The following N4BP1 variants were observed in gnomAD, a reference collection of about 807,000 sequenced individuals.
N4BP1 encodes the protein NEDD4-binding protein 1.
A neutral mutation model predicts 70.9 loss-of-function variants in N4BP1; 21 were observed. That is an observed-to-expected ratio of 0.30 (90% confidence interval 0.21 to 0.43). N4BP1 has a LOEUF of 0.43. Ranked by LOEUF, N4BP1 falls within the 20% of genes least tolerant of loss-of-function variation. The pLI, the probability that N4BP1 is intolerant of heterozygous loss-of-function variation, is 1.00. For missense variants in N4BP1, 936 were observed against 1,069.4 expected, an observed-to-expected ratio of 0.88 and a Z score of 1.74; for synonymous variants, 387 against 394.6, an observed-to-expected ratio of 0.98 and a Z score of 0.23.
chr16:48,557,905 C>T (rs981264442), intron 2 of N4BP1, among the ~76,000 whole-genome samples: 13 of 152,124 alleles, frequency 8.5e-5, no homozygotes, highest in Admixed American at 7.9e-4. Context: ...GGAATCTAGT[C>T]AAAGTTTATT....
At chr16:48,565,326 G>A (rs907420604) in intron 1 of N4BP1, among the ~76,000 whole-genome samples, 1 of 152,158 alleles carries the variant, frequency 6.6e-6, no homozygotes, top group African/African-American at 2.4e-5. Context: ...CATTGAGGAA[G>A]TTACCTATTC....
rs185853104 is a variant in N4BP1, at chr16:48,608,219, A to C, written c.198+1556T>G. 2.0e-5 allele frequency among the ~76,000 whole-genome samples: 3 copies of C among 152,286 alleles called. No individual in the cohort carries two copies. The East Asian group carries it at 5.8e-4, about 29-fold the overall frequency. On this transcript the variant is annotated intron_variant, in intron 1 of 6. Coordinates refer to ENST00000262384, the MANE Select transcript of N4BP1 (RefSeq NM_153029.4). ...CGGTTTTCACCGTGTGACACAGGAC[A>C]GTCTCAATCTCCTGATCTCGTGATC...
chr16:48,560,554 T>C, intron 2 of N4BP1, 200 bp downstream of exon 2: 1 of 573,758 alleles, frequency 1.7e-6, no homozygotes, highest in East Asian at 3.1e-5. Flanking sequence ...TTCAGCAGGG[T>C]GAAGTAAAGT....
intron 6 of N4BP1, among the ~76,000 whole-genome samples, chr16:48,545,656 A>C (rs941772956): frequency 6.6e-6 from 1 of 151,990 alleles, no homozygotes; most frequent in African/African-American, 2.4e-5. Context: ...AACTGAAAGG[A>C]CTATAGTTGA....
Position 48,543,055 on chromosome 16 carries a change from G to C in N4BP1, c.2540C>G (p.Ala847Gly). 1 of 1,614,068 alleles carries C rather than the reference G, an allele frequency of 6.2e-7. No homozygotes were observed. Among genetic ancestry groups the C allele is most frequent in the Non-Finnish European group, 8.5e-7 (1 of 1,179,904 alleles). The change falls in exon 7 of 7, where the codon GCT becomes GGT. Residue 847 changes from alanine (A) to glycine (G), a missense_variant. Around this residue, in one of 4 missense-constraint regions of N4BP1, gnomAD observed 229 missense variants for 343.5 expected, o/e 0.67. Transcript: ENST00000262384. ...PSLQQNLPMP[A>G]QRSSAETNEL... is the part of the protein sequence containing the mutation. The stretch of plus-strand genomic sequence containing the variant: ...GTTGGTTTCTGCAGAAGATCTCTGA[G>C]CTGGCATGGGCAGGTTCTGCTGGAG...
At chr16:48,560,679 C>T in intron 2 of N4BP1, 75 bp downstream of exon 2, 2 of 1,486,654 alleles carry the variant, frequency 1.3e-6, no homozygotes, top group Admixed American at 2.2e-5. Context: ...ATGTATAGTT[C>T]CCATATACAT....
chr16:48,589,953 G>A (rs74378178), intron 1 of N4BP1, among the ~76,000 whole-genome samples: 16,847 of 152,060 alleles, frequency 0.11, 1,336 homozygotes, highest in Admixed American at 0.23. Flanking sequence ...GCCCTTTCTC[G>A]GAAAGACCCC....
At chr16:48,605,450 T>G (rs991669465) in intron 1 of N4BP1, among the ~76,000 whole-genome samples, 3 of 152,168 alleles carry the variant, frequency 2.0e-5, no homozygotes, top group Non-Finnish European at 4.4e-5. Context: ...AATCTCTATT[T>G]GCGAATGAGG....
At chr16:48,547,337 TGG>T (rs1963603950) in intron 5 of N4BP1, among the ~76,000 whole-genome samples, 1 of 152,240 alleles carries the variant, frequency 6.6e-6, no homozygotes, top group Admixed American at 6.5e-5. Flanking sequence ...CAGGTGATAC[TGG>T]TTAACCAAAA....
Position 48,551,488 on chromosome 16 carries a change from C to A in N4BP1, c.2021-6G>T. 2 of 1,601,558 alleles carry A rather than the reference C, an allele frequency of 1.2e-6. No homozygotes were observed. The highest frequency in any genetic ancestry group is 1.1e-5 in the South Asian group (1 of 90,164). On this transcript the variant is annotated splice_region_variant and splice_polypyrimidine_tract_variant and intron_variant, in intron 3 of 6. Transcript: ENST00000262384. ...CTGGGTTAAGAAGTGCTGTTCTGTT[C>A]ATGGAATAAGTTGAATATACATTCA...
chr16:48,567,464 C>T lies in N4BP1; in HGVS notation c.199-5020G>A, dbSNP rs142391794. Reference sequence around the variant, plus strand: ...TCCTGAGTAGCTGGGATTACAGGTGCACACCACCACACCTGGTTAATTTTT... The same window carrying T: ...TCCTGAGTAGCTGGGATTACAGGTGTACACCACCACACCTGGTTAATTTTT... On this transcript the variant is annotated intron_variant, in intron 1 of 6. Coordinates refer to ENST00000262384, the MANE Select transcript of N4BP1 (RefSeq NM_153029.4). Among the ~76,000 whole-genome samples, 17 of 152,104 alleles carry T rather than the reference C, an allele frequency of 1.1e-4. No homozygotes were observed. In the East Asian group the frequency reaches 3.3e-3, roughly 30 times the overall value.
intron 6 of N4BP1, 68 bp from the exon 7 acceptor site, chr16:48,543,329 AAGGTACCTGCGGC>A: frequency 7.7e-7 from 1 of 1,305,468 alleles, no homozygotes; most frequent in Non-Finnish European, 1.0e-6. Context: ...GCTATTTTAG[AAGGTACCTGCGGC>A]AGGCCTTGAG....
At chr16:48,573,938 C>T (rs1964057535) in intron 1 of N4BP1, among the ~76,000 whole-genome samples, 1 of 152,128 alleles carries the variant, frequency 6.6e-6, no homozygotes, top group African/African-American at 2.4e-5. Flanking sequence ...TCCTTACCTT[C>T]ACTTTGAATA....
At position 48,561,450 on chromosome 16, in the gene N4BP1, G is replaced by A. The variant is rs1963855226; in HGVS notation, c.1193C>T (p.Ser398Leu). ...NKRFQEDREF[S>L]AGTVYPETNK... ...GGTCTCTGGATACACTGTACCAGCT[G>A]AAAATTCTCTGTCTTCTTGGAATCT... The change falls in exon 2 of 7, where the codon TCA (serine) becomes TTA (leucine). Residue 398 changes from serine (S) to leucine (L), a missense_variant. Coordinates refer to ENST00000262384, the MANE Select transcript of N4BP1 (RefSeq NM_153029.4). The A allele has an allele frequency of 6.2e-7, 1 of 1,612,042 alleles. No homozygotes were observed. Among genetic ancestry groups the A allele is most frequent in the South Asian group, 1.1e-5 (1 of 90,534 alleles).
intron 2 of N4BP1, among the ~76,000 whole-genome samples, chr16:48,557,750 T>A (rs1963777151): frequency 6.6e-6 from 1 of 152,150 alleles, no homozygotes; most frequent in African/African-American, 2.4e-5. Context: ...GGCAAAATAG[T>A]GAGACTTTAC....
rs1324164950 is a variant in N4BP1, at chr16:48,560,936, C to T, written c.1707G>A (p.Gln569=). ...TTGCATCAGTAACCGAAGGTAACAG[C>T]TGGGGCAGTGGCATTGGTGGAGAAA... is the stretch of plus-strand genomic sequence containing the variant. The part of the protein sequence containing the change: ...STLSPPMPLP[Q]LLPSVTDARS... The change falls in exon 2 of 7, where the codon CAG becomes CAA. Residue 569 remains glutamine (Q), a synonymous_variant. Transcript: ENST00000262384. 6.2e-7 allele frequency: 1 copy of T among 1,613,836 alleles called. No homozygotes were observed. Among genetic ancestry groups the T allele is most frequent in the Non-Finnish European group, 8.5e-7 (1 of 1,179,868 alleles).
chr16:48,566,941 C>T (rs1369926853), intron 1 of N4BP1, among the ~76,000 whole-genome samples: 1 of 152,164 alleles, frequency 6.6e-6, no homozygotes. Flanking sequence ...TGAATTGACC[C>T]TCTTGCCATT....
chr16:48,555,910 T>C (rs1963744560), intron 2 of N4BP1, among the ~76,000 whole-genome samples: 1 of 152,216 alleles, frequency 6.6e-6, no homozygotes, highest in Admixed American at 6.5e-5. Context: ...CTTTGACAGA[T>C]ACAAATGTGT....
intron 1 of N4BP1, among the ~76,000 whole-genome samples, chr16:48,564,841 C>CATT (rs1158456868): frequency 1.3e-5 from 2 of 152,148 alleles, no homozygotes; most frequent in Non-Finnish European, 2.9e-5. Context: ...TGCTTTCTTT[C>CATT]ATTAGCCTTT....
Sources: allele counts gnomAD v4.1 joint callset (sites outside exome capture counted in the v4.1 genomes callset), GRCh38; gene constraint gnomAD v4.1.1; regional missense constraint gnomAD v4.1.1; transcripts MANE v1.5; gene names NCBI Gene and HGNC (gene_info 2026-07-23, HGNC 2026-07-21).